Variants in SPATS2 observed in about 807,000 individuals in gnomAD.
SPATS2 encodes spermatogenesis-associated serine-rich protein 2.
In SPATS2, 38 loss-of-function variants were observed where a neutral mutation model predicts 63.7. The observed-to-expected ratio is 0.60, with a 90% CI of 0.46 to 0.78. The LOEUF (loss-of-function observed/expected upper bound fraction) is 0.78. Among genes scored for constraint, SPATS2 ranks in the 30% least tolerant of loss-of-function variants. The probability of loss-of-function intolerance (pLI) is 0.00; values close to 1 mark genes in which losing one functional copy is unlikely to be tolerated. For synonymous variants in SPATS2, 207 were observed against 232.9 expected (o/e 0.89, Z 1.01); for missense variants, 588 against 666.2 (o/e 0.88, Z 1.29).
intron 2 of SPATS2, among the ~76,000 whole-genome samples, chr12:49,446,867 A>G (rs1377769238): frequency 1.3e-5 from 2 of 152,032 alleles, no homozygotes; most frequent in Non-Finnish European, 2.9e-5. Flanking sequence ...TATCTTTAGA[A>G]TTCTGCCTGC....
At chr12:49,509,330 G>GAGTGC (rs1946708996) in intron 9 of SPATS2, among the ~76,000 whole-genome samples, 1 of 138,538 alleles carries the variant, frequency 7.2e-6, no homozygotes, top group Admixed American at 7.3e-5. Flanking sequence ...ACCAAGGCTG[G>GAGTGC]AGTGCAGTGG....
intron 2 of SPATS2, among the ~76,000 whole-genome samples, chr12:49,439,044 A>G (rs114456598): frequency 1.8e-3 from 280 of 152,350 alleles, no homozygotes; most frequent in African/African-American, 6.6e-3. Context: ...AAGGAATAGG[A>G]GTGGCAGGGG....
chr12:49,464,551 C>T (rs976432389), intron 3 of SPATS2, among the ~76,000 whole-genome samples: 3 of 148,904 alleles, frequency 2.0e-5, no homozygotes, highest in Non-Finnish European at 3.0e-5. Flanking sequence ...CGCTTGAACC[C>T]GGGAGGTGGA....
At chr12:49,432,896 G>A (rs563061052) in intron 2 of SPATS2, among the ~76,000 whole-genome samples, 2 of 152,172 alleles carry the variant, frequency 1.3e-5, no homozygotes, top group South Asian at 4.2e-4. Context: ...ATATCTCTTT[G>A]ATATTCAGCT....
At chr12:49,505,069 C>CT (rs35654703) in intron 9 of SPATS2, among the ~76,000 whole-genome samples, 14,545 of 147,472 alleles carry the variant, frequency 0.099, 822 homozygotes, top group Non-Finnish European at 0.13. Context: ...CAGCTCAGAG[C>CT]TTTTTTTTTT....
At chr12:49,479,703 C>G (rs1205216874) in intron 3 of SPATS2, among the ~76,000 whole-genome samples, 1 of 152,174 alleles carries the variant, frequency 6.6e-6, no homozygotes, top group African/African-American at 2.4e-5. Context: ...CTGGTGGTGC[C>G]TCCCTGCTGC....
chr12:49,484,471 T>A (rs1592444903), intron 3 of SPATS2, 119 bp from the exon 4 acceptor site: 1 of 845,202 alleles, frequency 1.2e-6, no homozygotes, highest in African/African-American at 1.7e-5. Context: ...ATTTGCCAAA[T>A]AGCAACTAAG....
chr12:49,503,331 T>C (rs1159105737), intron 9 of SPATS2, among the ~76,000 whole-genome samples: 43 of 124,330 alleles, frequency 3.5e-4, no homozygotes, highest in East Asian at 1.2e-3. Context: ...GCCTGGGCGA[T>C]AGGGCGAGAC....
chr12:49,516,575 A>G (rs371880908), intron 10 of SPATS2, among the ~76,000 whole-genome samples: 27 of 151,668 alleles, frequency 1.8e-4, no homozygotes, highest in African/African-American at 5.8e-4. Context: ...GCATGGTGGC[A>G]TGCGCCTGTA....
At chr12:49,385,854 T>A (rs1036845921) in intron 2 of SPATS2, among the ~76,000 whole-genome samples, 14 of 131,804 alleles carry the variant, frequency 1.1e-4, no homozygotes, top group Middle Eastern at 7.4e-3. Context: ...TTTGTTTGTT[T>A]GTTTGTTTGT....
intron 2 of SPATS2, among the ~76,000 whole-genome samples, chr12:49,388,361 C>G (rs1565697344): frequency 1.3e-5 from 2 of 149,458 alleles, no homozygotes; most frequent in Non-Finnish European, 3.0e-5. Flanking sequence ...TTGAACCCTA[C>G]TTTTTTTTTT....
At chr12:49,523,048 TA>T (rs1357041136) in intron 12 of SPATS2, among the ~76,000 whole-genome samples, 195 bp downstream of exon 12, 2 of 152,220 alleles carry the variant, frequency 1.3e-5, no homozygotes, top group Non-Finnish European at 2.9e-5. Context: ...GCCAGCTCCC[TA>T]AATGTGAAAG....
intron 3 of SPATS2, among the ~76,000 whole-genome samples, chr12:49,474,232 C>T (rs1737387690): frequency 6.6e-6 from 1 of 152,180 alleles, no homozygotes; most frequent in African/African-American, 2.4e-5. Flanking sequence ...ACACTTAAAG[C>T]TGCCTTGTGA....
intron 4 of SPATS2, among the ~76,000 whole-genome samples, chr12:49,487,097 A>G (rs1194028653): frequency 6.6e-6 from 1 of 152,228 alleles, no homozygotes; most frequent in Admixed American, 6.5e-5. Flanking sequence ...CTACTATGTT[A>G]CTAATGATAA....
At chr12:49,423,898 G>GT (rs1467442743) in intron 2 of SPATS2, among the ~76,000 whole-genome samples, 1 of 152,024 alleles carries the variant, frequency 6.6e-6, no homozygotes, top group Non-Finnish European at 1.5e-5. Flanking sequence ...AAAATCTCTT[G>GT]TTTTTTCTAT....
intron 2 of SPATS2, chr12:49,389,408 G>A: frequency 1.7e-6 from 1 of 584,798 alleles, no homozygotes; most frequent in East Asian, 2.9e-5. Flanking sequence ...GATTAGGGGC[G>A]CGGAGTCTCT....
intron 2 of SPATS2, among the ~76,000 whole-genome samples, chr12:49,455,000 T>C (rs955425893): frequency 6.6e-6 from 1 of 152,158 alleles, no homozygotes; most frequent in Non-Finnish European, 1.5e-5. Flanking sequence ...ACATAAAGTT[T>C]CAAAAGTGCA....
At chr12:49,436,547 C>A (rs562422759) in intron 2 of SPATS2, among the ~76,000 whole-genome samples, 28 of 123,516 alleles carry the variant, frequency 2.3e-4, no homozygotes, top group African/African-American at 8.0e-4. Context: ...GCCTCCTGGC[C>A]GGGCGGGGGG....
At chr12:49,458,061 T>C (rs1382828526) in intron 2 of SPATS2, among the ~76,000 whole-genome samples, 1 of 152,214 alleles carries the variant, frequency 6.6e-6, no homozygotes, top group Non-Finnish European at 1.5e-5. Flanking sequence ...TCTTTTCAAA[T>C]TGGAAATTAT....
Sources: allele counts gnomAD v4.1 joint callset (sites outside exome capture counted in the v4.1 genomes callset), GRCh38; gene constraint gnomAD v4.1.1; transcripts MANE v1.5; gene names NCBI Gene and HGNC (gene_info 2026-07-23, HGNC 2026-07-21).